Variants in PRKCZ observed in about 807,000 individuals in gnomAD.
PRKCZ encodes protein kinase C zeta type.
In PRKCZ, 33 loss-of-function variants were observed where a neutral mutation model predicts 79.5. The ratio of observed to expected loss-of-function variants is 0.41; its 90% CI spans 0.31 to 0.55. PRKCZ has a LOEUF of 0.55. Ranked by LOEUF, PRKCZ falls within the 20% of genes least tolerant of loss-of-function variation. PRKCZ has a pLI of 0.19. For missense variants in PRKCZ, 578 were observed against 813.5 expected, an observed-to-expected ratio of 0.71 and a Z score of 3.52; for synonymous variants, 342 against 320.9, an observed-to-expected ratio of 1.07 and a Z score of -0.70.
At chr1:2,058,410 A>G (rs2102231576) in intron 3 of PRKCZ, among the ~76,000 whole-genome samples, 1 of 150,410 alleles carries the variant, frequency 6.6e-6, no homozygotes, top group African/African-American at 2.5e-5. Context: ...CACAGGAGGT[A>G]GAGGCTACAG....
At chr1:2,151,012 G>C (rs368360389) in intron 9 of PRKCZ, 34 bp downstream of exon 9, 1 of 1,608,466 alleles carries the variant, frequency 6.2e-7, no homozygotes, top group Non-Finnish European at 8.5e-7. Context: ...CCGGGGGCCC[G>C]GGAACGCGCT....
At chr1:2,157,667 A>G (rs563424083) in intron 10 of PRKCZ, among the ~76,000 whole-genome samples, 1 of 150,530 alleles carries the variant, frequency 6.6e-6, no homozygotes, top group Non-Finnish European at 1.5e-5. Flanking sequence ...CAGCCTCCCA[A>G]AGTGTTGGGA....
At chr1:2,176,142 ACTT>A (rs1227625768) in intron 16 of PRKCZ, among the ~76,000 whole-genome samples, 1 of 151,982 alleles carries the variant, frequency 6.6e-6, no homozygotes, top group African/African-American at 2.4e-5. Context: ...GGTAGAAACT[ACTT>A]TGAGTTTTGA....
At chr1:2,080,962 C>G (rs180755675) in intron 4 of PRKCZ, among the ~76,000 whole-genome samples, 5 of 152,238 alleles carry the variant, frequency 3.3e-5, no homozygotes, top group Non-Finnish European at 2.9e-5. Context: ...GTGAAGCCTC[C>G]TTATATCGCT....
intron 9 of PRKCZ, among the ~76,000 whole-genome samples, chr1:2,155,533 A>T (rs567069362): frequency 2.0e-5 from 3 of 148,672 alleles, no homozygotes; most frequent in Non-Finnish European, 3.0e-5. Flanking sequence ...GATGGTGCCA[A>T]TGGTGATGGT....
At position 2,073,825 on chromosome 1, in the gene PRKCZ, C is replaced by T. The variant is rs1056809278; in HGVS notation, c.334+14234C>T. On this transcript the variant is annotated intron_variant, in intron 4 of 17. Coordinates refer to ENST00000378567, the MANE Select transcript of PRKCZ (RefSeq NM_002744.6). ...GCCTATTGTCGGGGCCGGAGGCGAG[C>T]CGACGCAGCATCAGCTCGTCAACGG... is the stretch of plus-strand genomic sequence containing the variant. The T allele has an allele frequency of 1.5e-4, 151 of 1,035,754 alleles. 1 individual carries two copies. Among genetic ancestry groups the T allele is most frequent in the Non-Finnish European group, 1.7e-4 (145 of 861,630 alleles). 64.2% of individuals were successfully genotyped at this position (1,035,754 alleles called of 1,614,324 possible).
At chr1:2,104,994 T>C in intron 4 of PRKCZ, 1 of 906,340 alleles carries the variant, frequency 1.1e-6, no homozygotes, top group Non-Finnish European at 1.3e-6. Context: ...CCTGGCTTGT[T>C]GACCTTGATC....
intron 11 of PRKCZ, among the ~76,000 whole-genome samples, chr1:2,170,430 A>G (rs1392353415): frequency 2.0e-5 from 3 of 152,220 alleles, no homozygotes; most frequent in Non-Finnish European, 2.9e-5. Context: ...TTCTGGCAAT[A>G]GGACAGTAGG....
At chr1:2,057,580 A>T (rs1660285063) in intron 3 of PRKCZ, among the ~76,000 whole-genome samples, 1 of 152,160 alleles carries the variant, frequency 6.6e-6, no homozygotes, top group Admixed American at 6.5e-5. Context: ...AAATTTAAAG[A>T]CTAGGCCGGG....
chr1:2,118,798 C>G (rs1448580509), intron 4 of PRKCZ, among the ~76,000 whole-genome samples: 2 of 146,368 alleles, frequency 1.4e-5, no homozygotes, highest in Non-Finnish European at 3.0e-5. Context: ...TTTATATGCT[C>G]TATTTTTTCA....
chr1:2,110,022 C>T (rs12059660), intron 4 of PRKCZ, among the ~76,000 whole-genome samples: 78,520 of 151,756 alleles, frequency 0.52, 21,483 homozygotes, highest in Middle Eastern at 0.63. Flanking sequence ...GCCATTTCAT[C>T]GGGGCCCTCC....
chr1:2,175,444 C>A, intron 16 of PRKCZ, 131 bp downstream of exon 16: 1 of 707,258 alleles, frequency 1.4e-6, no homozygotes, highest in Non-Finnish European at 2.3e-6. Flanking sequence ...CAATATCCAT[C>A]CCAACCCCAA....
At chr1:2,161,922 A>G (rs1682401455) in intron 10 of PRKCZ, among the ~76,000 whole-genome samples, 2 of 151,900 alleles carry the variant, frequency 1.3e-5, no homozygotes, top group Non-Finnish European at 1.5e-5. Flanking sequence ...CTAGATAACG[A>G]CAGAGACCAC....
intron 5 of PRKCZ, among the ~76,000 whole-genome samples, chr1:2,138,428 C>T (rs1363133504): frequency 6.6e-6 from 1 of 152,172 alleles, no homozygotes; most frequent in Middle Eastern, 3.4e-3. Context: ...AAGGATGGTG[C>T]CGGGGGTGGC....
intron 9 of PRKCZ, among the ~76,000 whole-genome samples, chr1:2,152,048 A>G (rs1250620881): frequency 6.6e-6 from 1 of 152,058 alleles, no homozygotes; most frequent in Non-Finnish European, 1.5e-5. Context: ...ACGGGGTTCC[A>G]CTATATTGCC....
In PRKCZ at chr1:2,172,451, C is replaced by A. The variant is rs1320746491; in HGVS notation, c.1285+63C>A. ...GGGCCAGAGATGGCTTCGGGCCTGG[C>A]CCAGCAGCCAGGGAGAGGTGTCCTT... On this transcript the variant is annotated intron_variant, in intron 13 of 17. Coordinates refer to ENST00000378567, the MANE Select transcript of PRKCZ (RefSeq NM_002744.6). This position sits in a 1 kb window ranked among gnomAD's most constrained non-coding sequence, Gnocchi z 7.8. The A allele has an allele frequency of 2.6e-6, 4 of 1,515,540 alleles. No individual in the cohort carries two copies. The highest frequency in any genetic ancestry group is 3.9e-5 in the Admixed American group (2 of 51,404). The allele number at this position is 1,515,540 out of a possible 1,614,324, so 93.9% of individuals were successfully genotyped here.
intron 4 of PRKCZ, chr1:2,104,590 G>T (rs1668044045): frequency 2.7e-5 from 20 of 730,538 alleles, no homozygotes; most frequent in Non-Finnish European, 3.4e-5. Flanking sequence ...ACAATCCCAG[G>T]TGGCAGGGGA....
chr1:2,150,390 C>T (rs1679644730), intron 8 of PRKCZ, among the ~76,000 whole-genome samples: 2 of 152,206 alleles, frequency 1.3e-5, no homozygotes, highest in Non-Finnish European at 1.5e-5. Flanking sequence ...ATTCGCTTTA[C>T]CTTCCTTCCC....
intron 1 of PRKCZ, among the ~76,000 whole-genome samples, chr1:2,053,769 A>G (rs1659908290): frequency 6.6e-6 from 1 of 151,786 alleles, no homozygotes; most frequent in African/African-American, 2.4e-5. Context: ...AGACTTTTGG[A>G]CTCCAGGTCA....
Sources: gnomAD v4.1 joint callset for allele counts (sites outside exome capture counted in the v4.1 genomes callset) on GRCh38, gnomAD v4.1.1 for gene constraint, Gnocchi (gnomAD v3.1) non-coding constraint, MANE v1.5 for transcripts, NCBI Gene and HGNC (gene_info 2026-07-23, HGNC 2026-07-21) for gene names.